The following PLCB1 variants were observed in gnomAD, a reference collection of about 807,000 sequenced individuals.
The protein encoded by PLCB1 is 1-phosphatidylinositol 4,5-bisphosphate phosphodiesterase beta-1.
In PLCB1, 46 loss-of-function variants were observed where a neutral mutation model predicts 161.8. That is an observed-to-expected ratio of 0.28 (90% CI 0.22 to 0.36). PLCB1 has a LOEUF of 0.36. Among genes scored for constraint, PLCB1 ranks in the 10% least tolerant of loss-of-function variants. PLCB1 has a pLI of 1.00. For missense variants in PLCB1, 1,016 were observed against 1,472.5 expected, an observed-to-expected ratio of 0.69 and a Z score of 5.07; for synonymous variants, 517 against 503.7, an observed-to-expected ratio of 1.03 and a Z score of -0.35.
chr20:8,812,545 C>T (rs189030201), intron 31 of PLCB1, among the ~76,000 whole-genome samples: 37 of 152,260 alleles, frequency 2.4e-4, no homozygotes, highest in African/African-American at 8.4e-4. Flanking sequence ...CAGACTCTAC[C>T]GGGGCATCTC....
chr20:8,491,032 T>C (rs1038617687), intron 3 of PLCB1, among the ~76,000 whole-genome samples: 12 of 152,024 alleles, frequency 7.9e-5, no homozygotes, highest in Admixed American at 6.5e-4. Flanking sequence ...TATAACACCG[T>C]CTTTCAAACA....
chr20:8,765,339 A>C lies in PLCB1; in HGVS notation c.2911A>C (p.Lys971Gln). The C allele has an allele frequency of 6.2e-7, 1 of 1,610,202 alleles. No homozygotes were observed. The highest frequency in any genetic ancestry group is 8.5e-7 in the Non-Finnish European group (1 of 1,178,646). The change falls in exon 26 of 32, where the codon AAA becomes CAA. Residue 971 changes from lysine to glutamine, a missense_variant. Coordinates refer to ENST00000338037, the MANE Select transcript of PLCB1 (RefSeq NM_015192.4). ...RRRAALEKSAKKDSKKKSEPS... is the reference protein window; with the variant it reads ...RRRAALEKSAQKDSKKKSEPS... The stretch of plus-strand genomic sequence containing the variant: ...GAGAGCCGCTTTGGAAAAGTCCGCC[A>C]AAAAGGACAGTAAGAAAAAGTAAGT...
intron 2 of PLCB1, among the ~76,000 whole-genome samples, chr20:8,238,867 G>GA (rs979221111): frequency 4.0e-5 from 6 of 150,246 alleles, no homozygotes; most frequent in East Asian, 1.9e-4. Flanking sequence ...ATGGGTGGCT[G>GA]GGGGGAAGAC....
intron 3 of PLCB1, among the ~76,000 whole-genome samples, chr20:8,518,826 G>A (rs1984238462): frequency 6.6e-6 from 1 of 151,866 alleles, no homozygotes; most frequent in African/African-American, 2.4e-5. Flanking sequence ...CCCTAAGCTT[G>A]TTTTCCTGCA....
At chr20:8,533,015 C>A (rs1298365554) in intron 3 of PLCB1, among the ~76,000 whole-genome samples, 1 of 137,200 alleles carries the variant, frequency 7.3e-6, no homozygotes, top group East Asian at 2.4e-4. Context: ...CCTCCCCCCT[C>A]CCCCTACCCC....
chr20:8,271,261 C>T (rs1982266034), intron 2 of PLCB1, among the ~76,000 whole-genome samples: 1 of 152,076 alleles, frequency 6.6e-6, no homozygotes, highest in Non-Finnish European at 1.5e-5. Context: ...TTTAGTCTAA[C>T]CTCATCTTCT....
intron 3 of PLCB1, among the ~76,000 whole-genome samples, chr20:8,416,986 T>C (rs1051148300): frequency 1.9e-4 from 27 of 139,402 alleles, no homozygotes; most frequent in South Asian, 7.0e-4. Flanking sequence ...GCTTCAGCTG[T>C]AAACACATAT....
At chr20:8,819,945 G>A (rs1406250927) in intron 31 of PLCB1, among the ~76,000 whole-genome samples, 3 of 150,972 alleles carry the variant, frequency 2.0e-5, no homozygotes, top group Non-Finnish European at 4.4e-5. Context: ...GTGTAACACT[G>A]TGGTTTATTT....
At chr20:8,764,931 T>C (rs1391806554) in intron 25 of PLCB1, among the ~76,000 whole-genome samples, 1 of 152,170 alleles carries the variant, frequency 6.6e-6, no homozygotes, top group Non-Finnish European at 1.5e-5. Context: ...AATGAAGCAA[T>C]TGGGTCTCTG....
intron 2 of PLCB1, among the ~76,000 whole-genome samples, chr20:8,354,386 G>A (rs765004023): frequency 9.2e-5 from 14 of 152,108 alleles, no homozygotes; most frequent in African/African-American, 2.4e-4. Context: ...GGAAAACTGC[G>A]TAAGATTCAC....
intron 9 of PLCB1, among the ~76,000 whole-genome samples, chr20:8,661,440 G>A (rs6055979): frequency 0.66 from 100,536 of 151,998 alleles, 34,624 homozygotes; most frequent in African/African-American, 0.85. Flanking sequence ...ACCTGCTACC[G>A]TATAACGTGC....
At chr20:8,522,305 G>T (rs2082100765) in intron 3 of PLCB1, among the ~76,000 whole-genome samples, 1 of 152,040 alleles carries the variant, frequency 6.6e-6, no homozygotes, top group Admixed American at 6.6e-5. Context: ...AAGAATCTCT[G>T]TTACCTCCCC....
intron 2 of PLCB1, among the ~76,000 whole-genome samples, chr20:8,253,976 A>G (rs1162740031): frequency 2.0e-5 from 3 of 151,970 alleles, no homozygotes; most frequent in East Asian, 3.9e-4. Context: ...GCTGTGTAGT[A>G]TCCCACGGTG....
chr20:8,727,886 A>G (rs1445899400), intron 17 of PLCB1, among the ~76,000 whole-genome samples: 1 of 152,096 alleles, frequency 6.6e-6, no homozygotes, highest in Non-Finnish European at 1.5e-5. Flanking sequence ...ATACATTACT[A>G]AGACTGGATT....
At chr20:8,768,741 C>G (rs1383861076) in intron 26 of PLCB1, among the ~76,000 whole-genome samples, 1 of 152,190 alleles carries the variant, frequency 6.6e-6, no homozygotes, top group East Asian at 1.9e-4. Flanking sequence ...TGAGATACTA[C>G]TTGTGTCAGA....
intron 31 of PLCB1, among the ~76,000 whole-genome samples, chr20:8,824,068 C>T (rs1223066601): frequency 6.6e-6 from 1 of 152,050 alleles, no homozygotes; most frequent in African/African-American, 2.4e-5. Context: ...ATTGACACAT[C>T]CAGCATTCAG....
chr20:8,827,325 C>T (rs889584466), intron 31 of PLCB1, among the ~76,000 whole-genome samples: 4 of 151,990 alleles, frequency 2.6e-5, no homozygotes, highest in Non-Finnish European at 5.9e-5. Context: ...CCTGTGTTCG[C>T]GATGTAATAT....
intron 31 of PLCB1, among the ~76,000 whole-genome samples, chr20:8,805,838 A>C (rs1180956375): frequency 7.9e-5 from 12 of 152,194 alleles, no homozygotes; most frequent in Non-Finnish European, 1.5e-4. Flanking sequence ...GACATGGATA[A>C]ACAAGCAATA....
intron 2 of PLCB1, among the ~76,000 whole-genome samples, chr20:8,171,933 C>T (rs1054323056): frequency 6.6e-6 from 1 of 152,132 alleles, no homozygotes; most frequent in Non-Finnish European, 1.5e-5. Context: ...AGTAAACTGC[C>T]TCTGAGTGTT....
Sources: gnomAD v4.1 joint callset for allele counts (sites outside exome capture counted in the v4.1 genomes callset) on GRCh38, gnomAD v4.1.1 for gene constraint, MANE v1.5 for transcripts, NCBI Gene and HGNC (gene_info 2026-07-23, HGNC 2026-07-21) for gene names.